Variants in TANGO6 observed in about 807,000 individuals in gnomAD.
The protein encoded by TANGO6 is transport and Golgi organization protein 6 homolog.
A neutral mutation model predicts 114.2 loss-of-function variants in TANGO6; 90 were observed. That is an observed-to-expected ratio of 0.79 (90% CI 0.66 to 0.94). The LOEUF is 0.94. TANGO6 is among the 40% of genes least tolerant of loss of function. The pLI is 0.00. For synonymous variants in TANGO6, 477 were observed against 509.8 expected, an observed-to-expected ratio of 0.94 and a Z score of 0.87; for missense variants, 1,274 against 1,315.3, an observed-to-expected ratio of 0.97 and a Z score of 0.49.
At chr16:68,890,568 A>G (rs1962598725) in intron 7 of TANGO6, among the ~76,000 whole-genome samples, 1 of 152,230 alleles carries the variant, frequency 6.6e-6, no homozygotes, top group African/African-American at 2.4e-5. Flanking sequence ...TAGCAATGTC[A>G]TGGAAGTCTA....
At position 69,069,192 on chromosome 16, in the gene TANGO6, A is replaced by G. The variant is rs114257750; in HGVS notation, c.3109-14293A>G. Among the ~76,000 whole-genome samples, 489 of 152,250 alleles carry G rather than the reference A, an allele frequency of 3.2e-3. 4 individuals carry two copies. Among genetic ancestry groups the G allele is most frequent in the African/African-American group, 0.011 (474 of 41,538 alleles). On this transcript the variant is annotated intron_variant, in intron 17 of 17. Transcript: ENST00000261778. ...CTTCACTCAGTTTGCCTGCCTCCTG[A>G]CCATTAGGCTTAATTCTGTGTGTCT...
intron 14 of TANGO6, among the ~76,000 whole-genome samples, chr16:68,958,581 A>AG (rs1963558714): frequency 6.6e-6 from 1 of 151,926 alleles, no homozygotes; most frequent in Non-Finnish European, 1.5e-5. Flanking sequence ...GGAAAGAAAA[A>AG]GAAAAAAAAC....
chr16:68,891,106 A>G (rs755948034), intron 7 of TANGO6, among the ~76,000 whole-genome samples: 1 of 151,824 alleles, frequency 6.6e-6, no homozygotes, highest in Non-Finnish European at 1.5e-5. Flanking sequence ...AGCCTGGCCA[A>G]CGTGGTGAAA....
At chr16:68,925,318 G>GA (rs987640247) in intron 12 of TANGO6, among the ~76,000 whole-genome samples, 2 of 152,092 alleles carry the variant, frequency 1.3e-5, no homozygotes, top group Admixed American at 6.6e-5. Flanking sequence ...TCAAAAAAAA[G>GA]AAAAAATTGC....
At chr16:68,870,076 C>G (rs1417815384) in intron 4 of TANGO6, among the ~76,000 whole-genome samples, 1 of 152,132 alleles carries the variant, frequency 6.6e-6, no homozygotes, top group African/African-American at 2.4e-5. Flanking sequence ...AAATATCTAT[C>G]TGGAGGTATT....
intron 14 of TANGO6, among the ~76,000 whole-genome samples, chr16:68,953,476 C>T (rs1963494518): frequency 6.6e-6 from 1 of 152,170 alleles, no homozygotes; most frequent in Non-Finnish European, 1.5e-5. Flanking sequence ...ATGGAGTTTA[C>T]AGTTGGAGAA....
chr16:68,856,762 A>G (rs1010692186), intron 1 of TANGO6, among the ~76,000 whole-genome samples: 2 of 152,200 alleles, frequency 1.3e-5, no homozygotes, highest in Admixed American at 6.5e-5. Context: ...AATGCATAAT[A>G]TCATATATCC....
intron 17 of TANGO6, among the ~76,000 whole-genome samples, chr16:69,075,893 T>C (rs1029638522): frequency 1.3e-5 from 2 of 150,946 alleles, no homozygotes; most frequent in African/African-American, 4.9e-5. Context: ...GCCTCCCAAG[T>C]AGCTGGGACT....
chr16:68,904,607 T>C (rs566462868), intron 9 of TANGO6, among the ~76,000 whole-genome samples: 18 of 152,322 alleles, frequency 1.2e-4, no homozygotes, highest in South Asian at 1.0e-3. Context: ...ATCTTTTTTT[T>C]CTCAACTTAG....
intron 15 of TANGO6, among the ~76,000 whole-genome samples, chr16:68,978,371 A>G (rs1471621836): frequency 6.6e-6 from 1 of 152,158 alleles, no homozygotes; most frequent in African/African-American, 2.4e-5. Flanking sequence ...AATTAGCCCA[A>G]TTTCCAAAAC....
intron 15 of TANGO6, among the ~76,000 whole-genome samples, chr16:69,008,333 C>T (rs1964113907): frequency 6.6e-6 from 1 of 152,156 alleles, no homozygotes; most frequent in South Asian, 2.1e-4. Flanking sequence ...TCTTTTGTCA[C>T]TTTTGCTTTT....
intron 2 of TANGO6, among the ~76,000 whole-genome samples, chr16:68,862,049 A>G (rs1962100750): frequency 6.6e-6 from 1 of 150,548 alleles, no homozygotes; most frequent in Non-Finnish European, 1.5e-5. Flanking sequence ...TATTATTATT[A>G]TTTTTTGAGA....
At chr16:68,995,389 C>G (rs536601719) in intron 15 of TANGO6, among the ~76,000 whole-genome samples, 1 of 152,260 alleles carries the variant, frequency 6.6e-6, no homozygotes, top group East Asian at 1.9e-4. Context: ...CATTTTTGCC[C>G]AGTGACTATT....
At chr16:69,005,641 AT>A (rs1481888304) in intron 15 of TANGO6, among the ~76,000 whole-genome samples, 1 of 152,178 alleles carries the variant, frequency 6.6e-6, no homozygotes. Context: ...TCTACTAAAA[AT>A]ACCAAAAATT....
rs560631403 is a variant in TANGO6 at position 69,020,886 on chromosome 16, C to A, written c.2843-1942C>A. On this transcript the variant is annotated intron_variant, in intron 15 of 17. Transcript: ENST00000261778. ...TGGGTAACAGAGCAAGACCCACCCC[C>A]CCTTTATATATGTATGTATGTGTGT... is the stretch of plus-strand genomic sequence containing the variant. Among the ~76,000 whole-genome samples the A allele has an allele frequency of 5.2e-4, 74 of 141,886 alleles. 1 individual carries two copies. Among genetic ancestry groups the A allele is most frequent in the African/African-American group, 1.1e-3 (40 of 37,678 alleles). 93.1% of individuals were successfully genotyped at this position (141,886 alleles called of 152,430 possible).
chr16:68,875,533 G>A (rs1596999977), intron 5 of TANGO6, among the ~76,000 whole-genome samples: 2 of 152,132 alleles, frequency 1.3e-5, no homozygotes, highest in Admixed American at 6.6e-5. Context: ...TTGGGAGGCC[G>A]AGGCAGGCGG....
At chr16:68,982,761 G>A (rs184239036) in intron 15 of TANGO6, among the ~76,000 whole-genome samples, 72 of 150,384 alleles carry the variant, frequency 4.8e-4, no homozygotes, top group Middle Eastern at 6.9e-3. Flanking sequence ...CATGAGCCAC[G>A]GTGCCCAGTC....
intron 17 of TANGO6, among the ~76,000 whole-genome samples, chr16:69,078,803 G>A (rs571518530): frequency 8.6e-5 from 13 of 151,854 alleles, no homozygotes; most frequent in African/African-American, 3.1e-4. Context: ...GTGCAGTGGC[G>A]CAATCTTGGC....
At chr16:68,992,350 G>C (rs13330043) in intron 15 of TANGO6, among the ~76,000 whole-genome samples, 1 of 152,010 alleles carries the variant, frequency 6.6e-6, no homozygotes, top group Non-Finnish European at 1.5e-5. Context: ...TTAGTAGCAT[G>C]GACAAGTTAT....
Sources: allele counts gnomAD v4.1 joint callset (sites outside exome capture counted in the v4.1 genomes callset), GRCh38; gene constraint gnomAD v4.1.1; transcripts MANE v1.5; gene names NCBI Gene and HGNC (gene_info 2026-07-23, HGNC 2026-07-21).